KANSL1: variants seen among roughly 807,000 people sequenced by gnomAD.
KANSL1 encodes MLL1/MLL complex subunit KANSL1.
Under a neutral mutation model 103.6 loss-of-function variants are expected in KANSL1, and 22 were observed. The ratio of observed to expected loss-of-function variants is 0.21; its 90% CI spans 0.15 to 0.30. The LOEUF is 0.30. KANSL1 is among the 10% of genes least tolerant of loss of function. KANSL1 has a pLI of 1.00. For synonymous variants in KANSL1, 600 were observed against 527.6 expected, an observed-to-expected ratio of 1.14 and a Z score of -1.88; for missense variants, 1,337 against 1,399.8, an observed-to-expected ratio of 0.96 and a Z score of 0.72.
At chr17:46,175,195 G>C (rs1003247361) in intron 1 of KANSL1, among the ~76,000 whole-genome samples, 1 of 152,072 alleles carries the variant, frequency 6.6e-6, no homozygotes, top group Non-Finnish European at 1.5e-5. Flanking sequence ...ACCACAGTAA[G>C]CTTCTTTATA....
At chr17:46,091,085 TG>T (rs1415805539) in intron 3 of KANSL1, among the ~76,000 whole-genome samples, 1 of 152,250 alleles carries the variant, frequency 6.6e-6, no homozygotes, top group Non-Finnish European at 1.5e-5. Flanking sequence ...CCGTGTGTGT[TG>T]TTGGCCCTGA....
chr17:46,038,808 TA>T, intron 9 of KANSL1, 122 bp from the exon 10 acceptor site: 3 of 1,341,502 alleles, frequency 2.2e-6, no homozygotes, highest in Non-Finnish European at 3.1e-6. Flanking sequence ...GCCTAGAGGA[TA>T]AAAAGGTGAA....
chr17:46,083,695 C>G (rs1199049448), intron 3 of KANSL1, among the ~76,000 whole-genome samples: 3 of 152,158 alleles, frequency 2.0e-5, no homozygotes, highest in African/African-American at 7.2e-5. Flanking sequence ...CCACCATGCC[C>G]AGAGGTGGAT....
intron 3 of KANSL1, chr17:46,094,216 C>T (rs1343308721): frequency 2.1e-5 from 5 of 242,368 alleles, no homozygotes; most frequent in Non-Finnish European, 3.9e-5. Context: ...CCCACTTCAG[C>T]CTCCTAAGTA....
intron 10 of KANSL1, chr17:46,038,212 T>A: frequency 3.4e-5 from 9 of 261,224 alleles, no homozygotes; most frequent in Non-Finnish European, 5.1e-5. Flanking sequence ...GCCACGGAAC[T>A]GTTGAGTCCT....
intron 2 of KANSL1, among the ~76,000 whole-genome samples, chr17:46,116,576 T>C (rs2043058400): frequency 6.6e-6 from 1 of 152,234 alleles, no homozygotes; most frequent in Non-Finnish European, 1.5e-5. Context: ...ACTATAATAA[T>C]GTTTTCTATC....
rs2077086748 is a variant in KANSL1, at chr17:46,034,141, C to G, written c.2666+20G>C. ...TAGCAGGAAGAATGGGGAGAGGAGCCAACTATTCTGAGCTTCTACCTGGGC... is the reference window on the plus strand; with the variant it reads ...TAGCAGGAAGAATGGGGAGAGGAGCGAACTATTCTGAGCTTCTACCTGGGC... On this transcript the variant is annotated intron_variant, in intron 11 of 14. Transcript: ENST00000432791. The G allele has an allele frequency of 6.2e-7, 1 of 1,612,728 alleles. No homozygotes were observed. The highest frequency in any genetic ancestry group is 1.3e-5 in the African/African-American group (1 of 74,994).
chr17:46,078,804 G>C (rs1436203986), intron 4 of KANSL1, among the ~76,000 whole-genome samples: 1 of 152,180 alleles, frequency 6.6e-6, no homozygotes, highest in Non-Finnish European at 1.5e-5. Context: ...AAGATAAGAG[G>C]CATGTTTCAA....
At chr17:46,157,171 CAAT>C (rs1403627962) in intron 2 of KANSL1, among the ~76,000 whole-genome samples, 3 of 152,236 alleles carry the variant, frequency 2.0e-5, no homozygotes, top group African/African-American at 7.2e-5. Flanking sequence ...TGACTATCCT[CAAT>C]GATGACACAT....
At chr17:46,128,715 T>C (rs980005265) in intron 2 of KANSL1, among the ~76,000 whole-genome samples, 13 of 152,196 alleles carry the variant, frequency 8.5e-5, no homozygotes, top group African/African-American at 2.4e-4. Flanking sequence ...GCAAACAGCA[T>C]GGCTGGAGCA....
chr17:46,058,977 A>T (rs550818487), intron 6 of KANSL1, among the ~76,000 whole-genome samples: 1 of 150,984 alleles, frequency 6.6e-6, no homozygotes, highest in African/African-American at 2.4e-5. Flanking sequence ...AACCTGGGAG[A>T]TGGAGGTTTC....
At chr17:46,182,090 AC>A (rs1346406994) in intron 1 of KANSL1, among the ~76,000 whole-genome samples, 1 of 152,142 alleles carries the variant, frequency 6.6e-6, no homozygotes, top group East Asian at 1.9e-4. Flanking sequence ...CCTTAACAGC[AC>A]CCTTCTTTAG....
Position 46,185,692 on chromosome 17 carries a change from T to TATAC in KANSL1, c.-90+7130_-90+7131insGTAT, listed in dbSNP as rs754864409. On this transcript the variant is annotated intron_variant, in intron 1 of 14. Coordinates refer to ENST00000432791, the MANE Select transcript of KANSL1 (RefSeq NM_015443.4). ...ACACATATATATACACACACATATATACACACACACACACACACACACACA... is the reference window on the plus strand; with the variant it reads ...ACACATATATATACACACACATATATATACACACACACACACACACACACACACA... Among the ~76,000 whole-genome samples the TATAC allele has an allele frequency of 7.8e-3, 1,128 of 144,366 alleles. 16 individuals carry two copies. The highest frequency in any genetic ancestry group is 0.029 in the African/African-American group (1,074 of 37,008). The allele number at this position is 144,366 out of a possible 152,430, so 94.7% of individuals were successfully genotyped here.
intron 2 of KANSL1, among the ~76,000 whole-genome samples, chr17:46,099,181 G>C (rs1162214494): frequency 6.9e-6 from 1 of 144,858 alleles, no homozygotes; most frequent in Admixed American, 7.1e-5. Context: ...AAAATTAGCC[G>C]GGCGTGATGG....
intron 2 of KANSL1, chr17:46,169,401 A>G (rs1191121329): frequency 6.6e-6 from 1 of 151,904 alleles, no homozygotes. Flanking sequence ...TTCAAAATAG[A>G]AAAAAAAAGT....
intron 8 of KANSL1, chr17:46,039,439 G>A (rs867691492): frequency 3.2e-5 from 19 of 601,290 alleles, no homozygotes; most frequent in Admixed American, 1.0e-4. Context: ...ACACCTGCCC[G>A]TAGATGAACT....
chr17:46,048,790 G>T (rs1305166751), intron 7 of KANSL1, among the ~76,000 whole-genome samples: 1 of 151,914 alleles, frequency 6.6e-6, no homozygotes, highest in East Asian at 1.9e-4. Context: ...TCAGATAGTT[G>T]TAAAGATTAT....
chr17:46,182,661 C>T (rs1024686206), intron 1 of KANSL1, among the ~76,000 whole-genome samples: 5 of 152,200 alleles, frequency 3.3e-5, no homozygotes, highest in African/African-American at 1.2e-4. Context: ...AATCACTATG[C>T]TAAGTATCTT....
At chr17:46,169,247 A>G (rs1364144529) in intron 2 of KANSL1, among the ~76,000 whole-genome samples, 1 of 152,262 alleles carries the variant, frequency 6.6e-6, no homozygotes, top group Admixed American at 6.5e-5. Context: ...CATTTAAAGA[A>G]AGATGGGTTA....
Sources: gnomAD v4.1 joint callset for allele counts (sites outside exome capture counted in the v4.1 genomes callset) on GRCh38, gnomAD v4.1.1 for gene constraint, MANE v1.5 for transcripts, NCBI Gene and HGNC (gene_info 2026-07-23, HGNC 2026-07-21) for gene names.